ECSIT: variants seen among roughly 807,000 people sequenced by gnomAD.
ECSIT encodes the protein evolutionarily conserved signaling intermediate in Toll pathway, mitochondrial.
A neutral mutation model predicts 36.8 loss-of-function variants in ECSIT; 29 were observed. That is an observed-to-expected ratio of 0.79 (90% CI 0.59 to 1.08). The LOEUF is 1.08. ECSIT is among the 50% of genes least tolerant of loss of function. The pLI is 0.00. For synonymous variants in ECSIT, 231 were observed against 234.8 expected, an observed-to-expected ratio of 0.98 and a Z score of 0.15; for missense variants, 542 against 581.0, an observed-to-expected ratio of 0.93 and a Z score of 0.69.
intron 4 of ECSIT, among the ~76,000 whole-genome samples, 190 bp downstream of exon 4, chr19:11,512,866 C>A (rs112793225): frequency 6.6e-6 from 1 of 152,028 alleles, no homozygotes; most frequent in Non-Finnish European, 1.5e-5. Flanking sequence ...TCGCTTGAGC[C>A]TGGGAGGCAG....
At chr19:11,513,460 G>A (rs1204223528) in intron 3 of ECSIT, among the ~76,000 whole-genome samples, 181 bp from the exon 4 acceptor site, 2 of 151,388 alleles carry the variant, frequency 1.3e-5, no homozygotes, top group Non-Finnish European at 2.9e-5. Context: ...CAAGGGGAGA[G>A]GATCACTTGA....
intron 1 of ECSIT, among the ~76,000 whole-genome samples, chr19:11,526,719 C>CT (rs549859600): frequency 0.047 from 6,131 of 131,692 alleles, 286 homozygotes; most frequent in African/African-American, 0.11. Flanking sequence ...CCAGAGGGAG[C>CT]TTTTTTTTTT....
At chr19:11,518,701 A>G (rs1972045433) in intron 2 of ECSIT, among the ~76,000 whole-genome samples, 1 of 152,152 alleles carries the variant, frequency 6.6e-6, no homozygotes, top group Non-Finnish European at 1.5e-5. Context: ...GTTCAAGACC[A>G]GCCTGCCCAA....
intron 2 of ECSIT, among the ~76,000 whole-genome samples, chr19:11,515,289 G>T (rs1472606100): frequency 6.7e-6 from 1 of 148,734 alleles, no homozygotes; most frequent in Non-Finnish European, 1.5e-5. Context: ...ATTTTTAGTA[G>T]AGACGGGGTT....
chr19:11,522,064 T>G, intron 1 of ECSIT: 1 of 334,108 alleles, frequency 3.0e-6, no homozygotes, highest in Non-Finnish European at 5.8e-6. Context: ...CATGCGAATC[T>G]TTGCACCTGA....
chr19:11,515,196 C>T (rs1217591999), intron 2 of ECSIT, among the ~76,000 whole-genome samples: 6 of 151,476 alleles, frequency 4.0e-5, no homozygotes, highest in East Asian at 3.9e-4. Flanking sequence ...CTCCACCTCC[C>T]GGGTTCACGC....
intron 1 of ECSIT, among the ~76,000 whole-genome samples, chr19:11,526,874 C>T (rs1211131523): frequency 1.3e-5 from 2 of 152,016 alleles, no homozygotes; most frequent in Non-Finnish European, 2.9e-5. Context: ...TGTGTGCCAC[C>T]ACACCCAGCT....
At chr19:11,512,989 G>A (rs1366722018) in intron 4 of ECSIT, 67 bp downstream of exon 4, 2 of 1,468,048 alleles carry the variant, frequency 1.4e-6, no homozygotes, top group Non-Finnish European at 9.5e-7. Context: ...GAGAAGGGGA[G>A]CCCAGGGGAG....
At chr19:11,506,496 C>T in intron 7 of ECSIT, 68 bp from the exon 8 acceptor site, 5 of 1,430,276 alleles carry the variant, frequency 3.5e-6, no homozygotes, top group Non-Finnish European at 1.9e-6. Context: ...ATGCCTACAC[C>T]TTTTTGAGGT....
chr19:11,527,981 A>C lies in ECSIT; in HGVS notation c.-24+1081T>G, dbSNP rs952565591. Among the ~76,000 whole-genome samples, 4 of 152,266 alleles carry C rather than the reference A, an allele frequency of 2.6e-5. No individual in the cohort carries two copies. In the East Asian group the frequency reaches 7.7e-4, roughly 29 times the overall value. ...CACCACTGCACTCCAGGCTTGACGA[A>C]CAAGTGAGATCCTGTCTCTAAAAAA... On this transcript the variant is annotated intron_variant, in intron 1 of 7. Transcript: ENST00000270517.
intron 3 of ECSIT, 63 bp from the exon 4 acceptor site, chr19:11,513,342 G>T: frequency 7.3e-7 from 1 of 1,376,790 alleles, no homozygotes; most frequent in Non-Finnish European, 1.0e-6. Flanking sequence ...GGGAAGAGGA[G>T]AAAAGAAAAC....
rs1568399584 is a variant in ECSIT at position 11,505,992 on chromosome 19, A to ATTCTGGAGGGGTCGCGCCTGCG, written c.*191_*192insCGCAGGCGCGACCCCTCCAGAA. The ATTCTGGAGGGGTCGCGCCTGCG allele has an allele frequency of 2.2e-5, 23 of 1,031,440 alleles. No homozygotes were observed. In the African/African-American group the frequency reaches 2.8e-4, roughly 12 times the overall value. 63.9% of individuals were successfully genotyped at this position (1,031,440 alleles called of 1,614,324 possible). On this transcript the variant is annotated 3_prime_UTR_variant, in exon 8 of 8. Transcript: ENST00000270517. ...AATTCGGAGAACCAGAGGCGCCTGC[A>ATTCTGGAGGGGTCGCGCCTGCG]GATTCTGGAGGGGTCTCGCCTGCCC...
At chr19:11,510,027 G>A (rs560132110) in intron 4 of ECSIT, among the ~76,000 whole-genome samples, 33 of 151,894 alleles carry the variant, frequency 2.2e-4, no homozygotes, top group African/African-American at 6.5e-4. Context: ...GCACCACCAT[G>A]CCTGGATAAT....
intron 2 of ECSIT, among the ~76,000 whole-genome samples, chr19:11,515,195 C>T (rs1198589526): frequency 3.3e-5 from 5 of 151,572 alleles, no homozygotes; most frequent in Non-Finnish European, 5.9e-5. Context: ...GCTCCACCTC[C>T]CGGGTTCACG....
chr19:11,519,014 G>T lies in ECSIT; in HGVS notation c.96+61C>A. The T allele has an allele frequency of 7.1e-7, 1 of 1,405,118 alleles. No individual in the cohort carries two copies. The highest frequency in any genetic ancestry group is 9.9e-7 in the Non-Finnish European group (1 of 1,013,132). The allele number at this position is 1,405,118 out of a possible 1,614,324, so 87.0% of individuals were successfully genotyped here. A position where few individuals can be genotyped will look rare whatever the true frequency, so the allele number is the denominator to read the frequency against. On this transcript the variant is annotated intron_variant, in intron 2 of 7. Coordinates refer to ENST00000270517, the MANE Select transcript of ECSIT (RefSeq NM_016581.5). The surrounding 1 kb of genome is among the most constrained non-coding windows in gnomAD (Gnocchi z 4.4). ...GCTTCACAGAGTGGATTCTGAAGGA[G>T]TTGGGAGCAAATCCCAAGCTTACCT...
At chr19:11,528,929 C>G (rs1972270761) in intron 1 of ECSIT, 133 bp downstream of exon 1, 1 of 152,284 alleles carries the variant, frequency 6.6e-6, no homozygotes, top group Non-Finnish European at 1.5e-5. Flanking sequence ...GCGTCCCCGC[C>G]CCCACTACGA....
chr19:11,510,163 A>G (rs148923455), intron 4 of ECSIT, among the ~76,000 whole-genome samples: 29 of 149,480 alleles, frequency 1.9e-4, no homozygotes, highest in African/African-American at 6.9e-4. Context: ...GTAAGCCACC[A>G]TGCCTGGCTA....
rs2144982062 is a variant in ECSIT at position 11,515,100 on chromosome 19, A to G, written c.97-879T>C. ...GTGATCCACCTGCCTCAGCCTCCCCAAGTCTTTTTTTTTTTTTTTTTGAGA... is the reference window on the plus strand; with the variant it reads ...GTGATCCACCTGCCTCAGCCTCCCCGAGTCTTTTTTTTTTTTTTTTTGAGA... On this transcript the variant is annotated intron_variant, in intron 2 of 7. Transcript: ENST00000270517. Among the ~76,000 whole-genome samples the G allele has an allele frequency of 2.8e-5, 4 of 141,706 alleles. No homozygotes were observed. In the Middle Eastern group the frequency reaches 0.011, roughly 380 times the overall value. The allele number at this position is 141,706 out of a possible 152,430, so 93.0% of individuals were successfully genotyped here.
intron 2 of ECSIT, among the ~76,000 whole-genome samples, chr19:11,517,521 G>A (rs921535137): frequency 8.6e-5 from 13 of 151,794 alleles, no homozygotes; most frequent in African/African-American, 3.1e-4. Context: ...ACTTGAACCC[G>A]GGAGGCAGAG....
Sources: allele counts gnomAD v4.1 joint callset (sites outside exome capture counted in the v4.1 genomes callset), GRCh38; gene constraint gnomAD v4.1.1; non-coding constraint Gnocchi (gnomAD v3.1); transcripts MANE v1.5; gene names NCBI Gene and HGNC (gene_info 2026-07-23, HGNC 2026-07-21).